CSF2RB: variants seen among roughly 807,000 people sequenced by gnomAD.
The protein encoded by CSF2RB is cytokine receptor common subunit beta.
In CSF2RB, 22 loss-of-function variants were observed where a neutral mutation model predicts 67.2. The observed-to-expected ratio is 0.33, with a 90% confidence interval of 0.23 to 0.47. The LOEUF is 0.47. Among genes scored for constraint, CSF2RB ranks in the 20% least tolerant of loss-of-function variants. The pLI is 1.00. For synonymous variants in CSF2RB, 507 were observed against 482.9 expected, an observed-to-expected ratio of 1.05 and a Z score of -0.65; for missense variants, 1,113 against 1,174.5, an observed-to-expected ratio of 0.95 and a Z score of 0.76.
chr22:36,933,697 G>A (rs1941207815), intron 9 of CSF2RB, 135 bp from the exon 10 acceptor site: 1 of 1,224,118 alleles, frequency 8.2e-7, no homozygotes, highest in Non-Finnish European at 1.2e-6. Context: ...ATCCACGGTG[G>A]TGAGAGAGAA....
intron 1 of CSF2RB, among the ~76,000 whole-genome samples, chr22:36,915,124 G>A (rs1451783629): frequency 9.9e-5 from 15 of 151,852 alleles, no homozygotes; most frequent in East Asian, 1.9e-4. Flanking sequence ...TACTCTTGTC[G>A]CCCAGGCTGG....
At chr22:36,922,390 G>T in intron 2 of CSF2RB, 107 bp downstream of exon 2, 9 of 1,028,796 alleles carry the variant, frequency 8.7e-6, no homozygotes, top group East Asian at 2.6e-5. Flanking sequence ...CCCTCCTCCT[G>T]CTCCCCTCCC....
At chr22:36,933,703 G>A in intron 9 of CSF2RB, 129 bp from the exon 10 acceptor site, 1 of 1,289,534 alleles carries the variant, frequency 7.8e-7, no homozygotes, top group Non-Finnish European at 1.1e-6. Context: ...GGTGGTGAGA[G>A]AGAAGCCGCA....
At chr22:36,931,219 A>G (rs1362917647) in intron 8 of CSF2RB, among the ~76,000 whole-genome samples, 6 of 152,186 alleles carry the variant, frequency 3.9e-5, no homozygotes, top group East Asian at 1.9e-4. Flanking sequence ...TAATTGATCT[A>G]TGATGTACTT....
chr22:36,937,246 G>T lies in CSF2RB; in HGVS notation c.1569-131G>T. 11 of 1,169,986 alleles carry T rather than the reference G, an allele frequency of 9.4e-6. No homozygotes were observed. Among genetic ancestry groups the T allele is most frequent in the Non-Finnish European group, 1.4e-5 (11 of 811,018 alleles). The allele number at this position is 1,169,986 out of a possible 1,614,324, so 72.5% of individuals were successfully genotyped here. ...GCTCCCTCAACCCTGTCCCGTTCAGGTTCTCTCTGTGAGATCTGGGGGACA... is the reference window on the plus strand; with the variant it reads ...GCTCCCTCAACCCTGTCCCGTTCAGTTTCTCTCTGTGAGATCTGGGGGACA... On this transcript the variant is annotated intron_variant, in intron 13 of 13. Transcript: ENST00000403662. The surrounding 1 kb of genome is among the most constrained non-coding windows in gnomAD (Gnocchi z 4.6).
rs760912772 is a variant in CSF2RB, at chr22:36,938,107, G to A, written c.2299G>A (p.Val767Met). ...GPVKSGFEGY[V>M]ELPPIEGRSP... ...TGTGAAGTCAGGGTTTGAGGGCTAT[G>A]TGGAGCTCCCTCCAATTGAGGGCCG... The change falls in exon 14 of 14, where the codon GTG becomes ATG. Residue 767 changes from valine to methionine, a missense_variant. By Grantham distance (21) the Val-to-Met change is conservative. Coordinates refer to ENST00000403662, the MANE Select transcript of CSF2RB (RefSeq NM_000395.3). 4 of 1,613,940 alleles carry A rather than the reference G, an allele frequency of 2.5e-6. No homozygotes were observed. In the African/African-American group the frequency reaches 4.0e-5, roughly 16 times the overall value.
At chr22:36,932,977 C>T (rs1429735103) in intron 9 of CSF2RB, 73 bp downstream of exon 9, 5 of 1,590,486 alleles carry the variant, frequency 3.1e-6, no homozygotes, top group East Asian at 4.5e-5. Context: ...AGAGGCATTC[C>T]ACCTGCAAGG....
chr22:36,928,285 G>C (rs1365691757), intron 4 of CSF2RB, among the ~76,000 whole-genome samples: 1 of 152,156 alleles, frequency 6.6e-6, no homozygotes, highest in Non-Finnish European at 1.5e-5. Context: ...TGGCTGAGCA[G>C]GTTTCTGATG....
At position 36,930,849 on chromosome 22, in the gene CSF2RB, C is replaced by T. The variant is rs778878463; in HGVS notation, c.1012+19C>T. 2.2e-5 allele frequency: 36 copies of T among 1,613,874 alleles called. No homozygotes were observed. Among genetic ancestry groups the T allele is most frequent in the Admixed American group, 3.3e-5 (2 of 60,004 alleles). ...GTGAACAGTGAGTTTGCTCCTAGCC[C>T]GCTGTGGGGATGGTCTGGGACCAGC... On this transcript the variant is annotated intron_variant, in intron 8 of 13. Transcript: ENST00000403662.
intron 1 of CSF2RB, among the ~76,000 whole-genome samples, chr22:36,916,745 G>C (rs1445463288): frequency 6.6e-6 from 1 of 152,172 alleles, no homozygotes; most frequent in Non-Finnish European, 1.5e-5. Context: ...TGTAATCCCA[G>C]CTACTTGGGA....
chr22:36,934,082 C>A, intron 10 of CSF2RB, 88 bp downstream of exon 10: 2 of 1,533,670 alleles, frequency 1.3e-6, no homozygotes, highest in Non-Finnish European at 1.8e-6. Context: ...GCAGCCGTAG[C>A]AGGCCTGCAA....
chr22:36,937,880 G>T lies in CSF2RB; in HGVS notation c.2072G>T (p.Ser691Ile). 6.2e-7 allele frequency: 1 copy of T among 1,614,138 alleles called. No homozygotes were observed. ...GTGGGAGGACAGGACCAAAAGGACA[G>T]CCCTGTGGCTATACCCATGAGCTCT... ...PRVGGQDQKD[S>I]PVAIPMSSGD... Residue 691 changes from serine to isoleucine, a missense_variant, in exon 14 of 14, where the codon AGC becomes ATC. Around this residue, in one of 2 missense-constraint regions of CSF2RB, gnomAD observed 554 missense variants for 517.9 expected, o/e 1.07. Coordinates refer to ENST00000403662, the MANE Select transcript of CSF2RB (RefSeq NM_000395.3). The surrounding 1 kb of genome is among the most constrained non-coding windows in gnomAD (Gnocchi z 4.6).
chr22:36,923,953 G>T (rs1356025881), intron 3 of CSF2RB: 5 of 386,736 alleles, frequency 1.3e-5, no homozygotes, highest in Admixed American at 1.1e-4. Context: ...AGCTCTCCTG[G>T]GCACGTGCCA....
intron 10 of CSF2RB, 150 bp from the exon 11 acceptor site, chr22:36,935,201 C>T: frequency 1.3e-6 from 1 of 755,132 alleles, no homozygotes; most frequent in Non-Finnish European, 2.3e-6. Context: ...TCTGGCCTCT[C>T]TCCCCTAATC....
chr22:36,936,754 G>C, intron 13 of CSF2RB, 102 bp downstream of exon 13: 1 of 1,001,964 alleles, frequency 1.0e-6, no homozygotes, highest in Non-Finnish European at 1.5e-6. Flanking sequence ...GTGGCTCACT[G>C]TGAAGGGATC....
Position 36,937,330 on chromosome 22 carries a change from AT to A in CSF2RB, c.1569-46del, listed in dbSNP as rs750315196. 1.8e-5 allele frequency: 29 copies of A among 1,606,166 alleles called. No individual in the cohort carries two copies. The highest frequency in any genetic ancestry group is 2.4e-5 in the Non-Finnish European group (28 of 1,178,850). On this transcript the variant is annotated intron_variant, in intron 13 of 13. Transcript: ENST00000403662. The surrounding 1 kb of genome is among the most constrained non-coding windows in gnomAD (Gnocchi z 4.6). Reference sequence around the variant, plus strand: ...AAGACCCTTGTGCCTGACCCGGATCATCTGCCCAGGGTGGTCCCAACTCTTC... The same window carrying A: ...AAGACCCTTGTGCCTGACCCGGATCACTGCCCAGGGTGGTCCCAACTCTTC...
rs532471124 is a variant in CSF2RB, at chr22:36,936,633, C to T, written c.1549C>T (p.Arg517Cys). 7.5e-5 allele frequency: 121 copies of T among 1,613,588 alleles called. No homozygotes were observed. In the Admixed American group the frequency reaches 1.8e-3, roughly 24 times the overall value. The change falls in exon 13 of 14, where the codon CGC becomes TGC. Residue 517 changes from arginine (R) to cysteine (C), a missense_variant. Physicochemically the swap from Arg to Cys is radical, Grantham distance 180. Transcript: ENST00000403662. ...CCCACACCAGGGGCCGTGGGGCAGCCGCTTCCCTGAGCTGGAGGGGTGAGT... is the reference window on the plus strand; with the variant it reads ...CCCACACCAGGGGCCGTGGGGCAGCTGCTTCCCTGAGCTGGAGGGGTGAGT... The part of the protein sequence containing the change: ...SPPHQGPWGS[R>C]FPELEGVFPV...
intron 3 of CSF2RB, among the ~76,000 whole-genome samples, chr22:36,923,991 G>A (rs1248175995): frequency 6.6e-6 from 1 of 152,112 alleles, no homozygotes; most frequent in African/African-American, 2.4e-5. Context: ...AATCGCTCTG[G>A]GGTGTTGGCC....
At chr22:36,935,990 G>C (rs1313907547) in intron 12 of CSF2RB, among the ~76,000 whole-genome samples, 1 of 152,196 alleles carries the variant, frequency 6.6e-6, no homozygotes, top group Admixed American at 6.5e-5. Context: ...GATGGATGGG[G>C]TGTCAGGAGG....
Sources: gnomAD v4.1 joint callset for allele counts (sites outside exome capture counted in the v4.1 genomes callset) on GRCh38, gnomAD v4.1.1 for gene constraint, gnomAD v4.1.1 regional missense constraint, Gnocchi (gnomAD v3.1) non-coding constraint, MANE v1.5 for transcripts, NCBI Gene and HGNC (gene_info 2026-07-23, HGNC 2026-07-21) for gene names.